The following HEPHL1 variants were observed in gnomAD, a reference collection of about 807,000 sequenced individuals.
HEPHL1 encodes the protein ferroxidase HEPHL1.
In HEPHL1, 123 loss-of-function variants were observed where a neutral mutation model predicts 122.0. The observed-to-expected ratio is 1.01, with a 90% CI of 0.87 to 1.17. The LOEUF (loss-of-function observed/expected upper bound fraction) is 1.17, where lower values mean the gene tolerates loss of function less well. Ranked by LOEUF, HEPHL1 falls within the 50% of genes most tolerant of loss-of-function variation. HEPHL1 has a pLI of 0.00. For missense variants in HEPHL1, 1,452 were observed against 1,430.5 expected, an observed-to-expected ratio of 1.01 and a Z score of -0.24; for synonymous variants, 527 against 508.9, an observed-to-expected ratio of 1.04 and a Z score of -0.48.
chr11:94,077,880 T>C (rs1565356300), intron 9 of HEPHL1, among the ~76,000 whole-genome samples: 1 of 152,224 alleles, frequency 6.6e-6, no homozygotes, highest in African/African-American at 2.4e-5. Flanking sequence ...CCCTGACCTT[T>C]GCGTGGCTAG....
chr11:94,084,448 C>G (rs1679046080), intron 10 of HEPHL1, among the ~76,000 whole-genome samples: 1 of 152,014 alleles, frequency 6.6e-6, no homozygotes, highest in African/African-American at 2.4e-5. Flanking sequence ...TCAAATGTCA[C>G]ATTAATTATA....
intron 1 of HEPHL1, among the ~76,000 whole-genome samples, chr11:94,030,465 T>A (rs1041476416): frequency 9.9e-5 from 15 of 152,224 alleles, no homozygotes; most frequent in South Asian, 4.1e-4. Flanking sequence ...GGTCCCAGGT[T>A]CCTTTTGGCT....
chr11:94,064,158 C>T (rs1308618601), intron 3 of HEPHL1, among the ~76,000 whole-genome samples, 173 bp from the exon 4 acceptor site: 1 of 152,174 alleles, frequency 6.6e-6, no homozygotes, highest in African/African-American at 2.4e-5. Context: ...TATGACTTTT[C>T]TCTTCTATGG....
intron 10 of HEPHL1, among the ~76,000 whole-genome samples, chr11:94,083,101 T>A (rs1244833266): frequency 6.7e-5 from 9 of 134,498 alleles, no homozygotes; most frequent in Admixed American, 3.0e-4. Context: ...AAAAAAAAAA[T>A]TTAAACTAGC....
chr11:94,067,369 C>A (rs899979978), intron 4 of HEPHL1, 127 bp from the exon 5 acceptor site: 23 of 844,562 alleles, frequency 2.7e-5, no homozygotes, highest in Non-Finnish European at 3.6e-5. Flanking sequence ...GGTTTTTCTG[C>A]ACCAAAACCT....
At chr11:94,023,862 G>T (rs1277161671) in intron 1 of HEPHL1, among the ~76,000 whole-genome samples, 3 of 152,168 alleles carry the variant, frequency 2.0e-5, no homozygotes, top group Admixed American at 6.6e-5. Context: ...TCCCATCAGT[G>T]CTAGTAGTTG....
chr11:94,031,850 A>G (rs1945678612), intron 1 of HEPHL1, among the ~76,000 whole-genome samples: 1 of 152,244 alleles, frequency 6.6e-6, no homozygotes, highest in Admixed American at 6.5e-5. Flanking sequence ...GCAGATAAAT[A>G]GCACGGATCT....
intron 2 of HEPHL1, among the ~76,000 whole-genome samples, chr11:94,062,373 A>G (rs1945990780): frequency 6.6e-6 from 1 of 152,216 alleles, no homozygotes. Flanking sequence ...CTTTCTCATG[A>G]CATCTTTCTC....
intron 3 of HEPHL1, 102 bp downstream of exon 3, chr11:94,063,822 C>A: frequency 2.2e-6 from 2 of 930,224 alleles, no homozygotes; most frequent in African/African-American, 1.6e-5. Context: ...GTGCCTCTTC[C>A]AAATTTCTTT....
intron 17 of HEPHL1, among the ~76,000 whole-genome samples, chr11:94,106,519 T>A (rs1946410609): frequency 6.6e-6 from 1 of 151,928 alleles, no homozygotes; most frequent in Admixed American, 6.6e-5. Flanking sequence ...ATGGTCTCAA[T>A]CTCCTGACCT....
intron 2 of HEPHL1, among the ~76,000 whole-genome samples, chr11:94,057,235 G>A (rs973034670): frequency 1.3e-5 from 2 of 151,920 alleles, no homozygotes; most frequent in Non-Finnish European, 2.9e-5. Flanking sequence ...ATCTATTTGT[G>A]GACCTCTTTG....
rs1296281209 is a variant in HEPHL1, at chr11:94,093,648, A to C, written c.2434+8A>C. ...AGCACTTAGAACTCCTGGGTATGGC[A>C]CAGATTTCAGGCGTGCACTGTCAGC... On this transcript the variant is annotated splice_region_variant and intron_variant, in intron 13 of 19. Transcript: ENST00000315765. The C allele has an allele frequency of 1.9e-6, 3 of 1,611,894 alleles. No homozygotes were observed. Among genetic ancestry groups the C allele is most frequent in the Non-Finnish European group, 2.5e-6 (3 of 1,179,332 alleles).
intron 9 of HEPHL1, among the ~76,000 whole-genome samples, chr11:94,080,350 G>C (rs543593606): frequency 6.6e-6 from 1 of 152,238 alleles, no homozygotes; most frequent in East Asian, 1.9e-4. Context: ...AACCCTAGAA[G>C]AAAATCTAGG....
intron 5 of HEPHL1, among the ~76,000 whole-genome samples, chr11:94,070,041 A>G (rs1206107763): frequency 6.6e-6 from 1 of 152,164 alleles, no homozygotes; most frequent in African/African-American, 2.4e-5. Context: ...GTACTATTTG[A>G]GTACTGTTAA....
intron 5 of HEPHL1, 75 bp downstream of exon 5, chr11:94,067,825 A>G (rs1251566940): frequency 7.3e-7 from 1 of 1,362,964 alleles, no homozygotes; most frequent in Non-Finnish European, 1.0e-6. Flanking sequence ...GTGCTCATCC[A>G]GTACCTACTG....
chr11:94,055,974 T>A, intron 2 of HEPHL1: 1 of 1,301,146 alleles, frequency 7.7e-7, no homozygotes, highest in Non-Finnish European at 1.1e-6. Context: ...GGCAGCCATG[T>A]TTCCTTCTGC....
At chr11:94,106,417 C>T (rs953483860) in intron 17 of HEPHL1, among the ~76,000 whole-genome samples, 4 of 151,706 alleles carry the variant, frequency 2.6e-5, no homozygotes, top group Admixed American at 6.6e-5. Context: ...CTCAGCCTCC[C>T]GAGTAGCTGG....
chr11:94,078,685 G>A (rs1024242433), intron 9 of HEPHL1, among the ~76,000 whole-genome samples: 2 of 151,972 alleles, frequency 1.3e-5, no homozygotes, highest in Non-Finnish European at 2.9e-5. Flanking sequence ...AGAAGCCAAT[G>A]TCCTAGTTCA....
At chr11:94,054,956 G>A (rs1321041683) in intron 2 of HEPHL1, 1 of 152,468 alleles carries the variant, frequency 6.6e-6, no homozygotes, top group Admixed American at 6.5e-5. Context: ...AGGAGCAGAA[G>A]GAAGACACTG....
Sources: gnomAD v4.1 joint callset for allele counts (sites outside exome capture counted in the v4.1 genomes callset) on GRCh38, gnomAD v4.1.1 for gene constraint, MANE v1.5 for transcripts, NCBI Gene and HGNC (gene_info 2026-07-23, HGNC 2026-07-21) for gene names.